Variants in ASTN2 observed in about 807,000 individuals in gnomAD.
ASTN2 encodes astrotactin-2.
A neutral mutation model predicts 139.8 loss-of-function variants in ASTN2; 54 were observed. The observed-to-expected ratio is 0.39, with a 90% CI of 0.31 to 0.48. The LOEUF (loss-of-function observed/expected upper bound fraction) is 0.48, where lower values mean the gene tolerates loss of function less well. Among genes scored for constraint, ASTN2 ranks in the 20% least tolerant of loss-of-function variants. The probability of loss-of-function intolerance (pLI) is 0.95; values close to 1 mark genes in which losing one functional copy is unlikely to be tolerated. For missense variants in ASTN2, 1,565 were observed against 1,725.1 expected, an observed-to-expected ratio of 0.91 and a Z score of 1.64; for synonymous variants, 756 against 719.5, an observed-to-expected ratio of 1.05 and a Z score of -0.81.
At chr9:116,427,347 A>G (rs1248788118) in intron 22 of ASTN2, among the ~76,000 whole-genome samples, 2 of 152,208 alleles carry the variant, frequency 1.3e-5, no homozygotes, top group African/African-American at 4.8e-5. Context: ...AAATCACCCA[A>G]GTTGAGAACC....
intron 1 of ASTN2, among the ~76,000 whole-genome samples, chr9:117,402,351 C>A (rs1830856691): frequency 6.6e-6 from 1 of 152,160 alleles, no homozygotes; most frequent in Non-Finnish European, 1.5e-5. Context: ...CAGGCGTGAG[C>A]CACTGCACCC....
intron 19 of ASTN2, among the ~76,000 whole-genome samples, chr9:116,552,756 G>T (rs1363218936): frequency 6.6e-6 from 1 of 152,172 alleles, no homozygotes; most frequent in Non-Finnish European, 1.5e-5. Context: ...AGATCCCAAG[G>T]CCTGGTGCCC....
At chr9:117,125,865 C>A (rs1041927862) in intron 4 of ASTN2, among the ~76,000 whole-genome samples, 1 of 151,372 alleles carries the variant, frequency 6.6e-6, no homozygotes, top group African/African-American at 2.4e-5. Context: ...ATTAATGAGG[C>A]GAGGGGTTTG....
chr9:117,116,056 C>T (rs1036655539), intron 4 of ASTN2, among the ~76,000 whole-genome samples: 1 of 96,634 alleles, frequency 1.0e-5, no homozygotes, highest in Non-Finnish European at 2.2e-5. Flanking sequence ...ATATATATTG[C>T]TCCCATCCAA....
At chr9:116,860,201 G>A (rs567172115) in intron 11 of ASTN2, among the ~76,000 whole-genome samples, 1 of 152,104 alleles carries the variant, frequency 6.6e-6, no homozygotes, top group South Asian at 2.1e-4. Flanking sequence ...GAGGTGGGAG[G>A]CAGAAAAAAA....
intron 16 of ASTN2, among the ~76,000 whole-genome samples, chr9:116,701,572 C>A (rs1414112184): frequency 4.6e-5 from 7 of 152,262 alleles, no homozygotes; most frequent in East Asian, 1.9e-4. Context: ...ATATTGTGGG[C>A]AGGCTGAAGG....
rs868475399 is a variant in ASTN2 at position 117,060,457 on chromosome 9, A to G, written c.1277-20492T>C. ...AAGAGAGAGAGAGAAAGAAAGAAAG[A>G]AAGGAAGGAAGGAAGGAAGGAAGGA... On this transcript the variant is annotated intron_variant, in intron 5 of 22. Coordinates refer to ENST00000313400, the MANE Select transcript of ASTN2 (RefSeq NM_001365068.1). Among the ~76,000 whole-genome samples the G allele has an allele frequency of 1.1e-3, 67 of 61,450 alleles. 10 individuals carry two copies. The highest frequency in any genetic ancestry group is 5.8e-3 in the African/African-American group (67 of 11,472). 40.3% of individuals were successfully genotyped at this position (61,450 alleles called of 152,430 possible).
chr9:117,058,604 T>A (rs941319470), intron 5 of ASTN2, among the ~76,000 whole-genome samples: 4 of 152,214 alleles, frequency 2.6e-5, no homozygotes, highest in Admixed American at 2.0e-4. Context: ...TGAAACTGTA[T>A]CTATACTGCC....
chr9:116,792,375 AAGCAGAATGCAGCCC>A (rs1830582550), intron 13 of ASTN2, among the ~76,000 whole-genome samples: 1 of 152,148 alleles, frequency 6.6e-6, no homozygotes, highest in Non-Finnish European at 1.5e-5. Flanking sequence ...CTTTGACCTG[AAGCAGAATGCAGCCC>A]AGCACTCTGC....
chr9:117,071,297 G>T (rs1008289244), intron 5 of ASTN2, among the ~76,000 whole-genome samples: 190 of 151,630 alleles, frequency 1.3e-3, no homozygotes, highest in Non-Finnish European at 2.2e-3. Context: ...GCCCCTGCTG[G>T]GGGGTGCCTC....
intron 2 of ASTN2, among the ~76,000 whole-genome samples, chr9:117,216,255 C>A (rs1046128617): frequency 1.3e-5 from 2 of 152,196 alleles, no homozygotes; most frequent in Non-Finnish European, 2.9e-5. Flanking sequence ...TATTAGAAAA[C>A]TGGCATGTTC....
At chr9:116,782,949 T>A (rs1028577042) in intron 13 of ASTN2, among the ~76,000 whole-genome samples, 1 of 152,178 alleles carries the variant, frequency 6.6e-6, no homozygotes, top group Non-Finnish European at 1.5e-5. Context: ...TATCTTTCTT[T>A]TGTTAGTGTA....
intron 5 of ASTN2, among the ~76,000 whole-genome samples, chr9:117,087,216 C>G (rs1301033535): frequency 1.5e-5 from 2 of 133,804 alleles, no homozygotes; most frequent in African/African-American, 5.7e-5. Context: ...TCATTTTTTT[C>G]TTTTTGTTTG....
intron 16 of ASTN2, among the ~76,000 whole-genome samples, chr9:116,692,716 C>T (rs1309630385): frequency 7.9e-5 from 12 of 152,120 alleles, no homozygotes; most frequent in Admixed American, 7.9e-4. Flanking sequence ...GATTTGTGGT[C>T]TTAATTTCCC....
intron 10 of ASTN2, among the ~76,000 whole-genome samples, chr9:116,964,263 G>A (rs1001625367): frequency 2.6e-4 from 40 of 151,008 alleles, no homozygotes; most frequent in African/African-American, 8.3e-4. Flanking sequence ...GTGTGCGCGC[G>A]CGCGCGTGTG....
chr9:116,441,257 CAA>C (rs59778378), intron 21 of ASTN2, among the ~76,000 whole-genome samples: 23,574 of 151,656 alleles, frequency 0.16, 2,263 homozygotes, highest in Middle Eastern at 0.24. Context: ...AAAGATAATC[CAA>C]ACTCTTCTGC....
chr9:116,609,329 T>G (rs901603044), intron 19 of ASTN2, among the ~76,000 whole-genome samples: 67 of 129,502 alleles, frequency 5.2e-4, no homozygotes, highest in Non-Finnish European at 9.4e-4. Context: ...TCTCTCTCTC[T>G]ATATATATAT....
At chr9:117,195,944 A>G (rs1342843851) in intron 3 of ASTN2, among the ~76,000 whole-genome samples, 1 of 152,182 alleles carries the variant, frequency 6.6e-6, no homozygotes, top group Non-Finnish European at 1.5e-5. Flanking sequence ...TTCTTCAGGG[A>G]ACACATGTTG....
intron 19 of ASTN2, among the ~76,000 whole-genome samples, chr9:116,540,983 A>ACT (rs1256835074): frequency 6.6e-6 from 1 of 151,898 alleles, no homozygotes; most frequent in East Asian, 1.9e-4. Context: ...ACTAGGGGAA[A>ACT]AAGTTTGAAT....
Sources: gnomAD v4.1 joint callset for allele counts (sites outside exome capture counted in the v4.1 genomes callset) on GRCh38, gnomAD v4.1.1 for gene constraint, MANE v1.5 for transcripts, NCBI Gene and HGNC (gene_info 2026-07-23, HGNC 2026-07-21) for gene names.